The following DOCK9 variants were observed in gnomAD, a reference collection of about 807,000 sequenced individuals.
The protein encoded by DOCK9 is dedicator of cytokinesis protein 9.
Under a neutral mutation model 263.3 loss-of-function variants are expected in DOCK9, and 89 were observed. The observed-to-expected ratio is 0.34, with a 90% CI of 0.28 to 0.40. The LOEUF (loss-of-function observed/expected upper bound fraction) is 0.40. Among genes scored for constraint, DOCK9 ranks in the 10% least tolerant of loss-of-function variants. The probability of loss-of-function intolerance (pLI) is 1.00; values close to 1 mark genes in which losing one functional copy is unlikely to be tolerated. For synonymous variants in DOCK9, 976 were observed against 973.1 expected, an observed-to-expected ratio of 1.00 and a Z score of -0.06; for missense variants, 2,140 against 2,603.4, an observed-to-expected ratio of 0.82 and a Z score of 3.87.
intron 1 of DOCK9, among the ~76,000 whole-genome samples, chr13:99,039,537 T>C (rs948227679): frequency 3.9e-5 from 6 of 152,258 alleles, no homozygotes; most frequent in African/African-American, 1.4e-4. Context: ...ATGATAATAA[T>C]AAAACATCAT....
chr13:98,933,327 G>C (rs558393168), intron 2 of DOCK9, among the ~76,000 whole-genome samples: 1 of 151,628 alleles, frequency 6.6e-6, no homozygotes, highest in African/African-American at 2.4e-5. Flanking sequence ...AAAGGAAATA[G>C]ATCTTTTTTA....
chr13:98,993,270 C>T (rs146494684), intron 1 of DOCK9, among the ~76,000 whole-genome samples: 7 of 152,336 alleles, frequency 4.6e-5, no homozygotes, highest in East Asian at 1.9e-4. Context: ...TTGATCATTA[C>T]GGACCCCGTA....
intron 43 of DOCK9, 105 bp from the exon 44 acceptor site, chr13:98,826,992 C>T (rs2092569196): frequency 2.7e-6 from 2 of 739,872 alleles, no homozygotes; most frequent in Non-Finnish European, 4.3e-6. Context: ...TATATTAGAT[C>T]TCAATGCACC....
intron 2 of DOCK9, among the ~76,000 whole-genome samples, chr13:98,931,789 G>T (rs1170456893): frequency 2.0e-5 from 3 of 150,936 alleles, no homozygotes; most frequent in African/African-American, 7.3e-5. Context: ...GTACAGATGG[G>T]GTTTCACCAT....
At chr13:98,951,903 C>CTTTTTTTT (rs71114563) in intron 2 of DOCK9, among the ~76,000 whole-genome samples, 23,010 of 134,252 alleles carry the variant, frequency 0.17, 2,497 homozygotes, top group Middle Eastern at 0.28. Flanking sequence ...TTAATATTCC[C>CTTTTTTTT]TTTTTTTTTT....
intron 1 of DOCK9, among the ~76,000 whole-genome samples, chr13:99,037,528 T>G (rs1359756356): frequency 6.6e-6 from 1 of 152,176 alleles, no homozygotes; most frequent in East Asian, 1.9e-4. Context: ...TAAAACGATA[T>G]AACTACCTTG....
chr13:99,060,134 C>T (rs2041120226), intron 1 of DOCK9, among the ~76,000 whole-genome samples: 1 of 125,520 alleles, frequency 8.0e-6, no homozygotes. Flanking sequence ...ACTGCAGTGG[C>T]ATGATCTCGG....
chr13:98,866,770 T>C (rs1238791869), intron 30 of DOCK9, among the ~76,000 whole-genome samples: 1 of 152,194 alleles, frequency 6.6e-6, no homozygotes, highest in Non-Finnish European at 1.5e-5. Context: ...ATGAAAATAG[T>C]AGAATAATGA....
At chr13:98,976,393 TA>T (rs5806087) in intron 1 of DOCK9, among the ~76,000 whole-genome samples, 76,825 of 150,394 alleles carry the variant, frequency 0.51, 19,726 homozygotes, top group East Asian at 0.72. Context: ...CTTGTGTGCT[TA>T]AAAAAAAAAA....
rs769855666 is a variant in DOCK9, at chr13:98,825,844, C to T, written c.5023+986G>A. The T allele has an allele frequency of 1.2e-5, 17 of 1,454,502 alleles. No homozygotes were observed. In the South Asian group the frequency reaches 1.2e-4, roughly 10 times the overall value. The allele number at this position is 1,454,502 out of a possible 1,614,324, so 90.1% of individuals were successfully genotyped here. A position where few individuals can be genotyped will look rare whatever the true frequency, so the allele number is the denominator to read the frequency against. ...GCACGTGACCAGGGCAGGGGGTCCC[C>T]GGGGGCTGGGCTGATCCTCAGGCTC... is the stretch of plus-strand genomic sequence containing the variant. On this transcript the variant is annotated intron_variant, in intron 44 of 52. Transcript: ENST00000682017. The surrounding 1 kb of genome is among the most constrained non-coding windows in gnomAD (Gnocchi z 4.1).
Position 98,921,043 on chromosome 13 carries a change from A to T in DOCK9, c.628T>A (p.Ser210Thr). The change falls in exon 7 of 53, where the codon TCC becomes ACC. Residue 210 changes from serine to threonine, a missense_variant. Coordinates refer to ENST00000682017, the MANE Select transcript of DOCK9 (RefSeq NM_001366683.2). Reference protein sequence around the residue: ...FFHLIQLGDGSYNLNFYKDEK... With the variant: ...FFHLIQLGDGTYNLNFYKDEK... ...TCTTTATAAAAATTCAAATTATAGGATCCATCGCCAAGTTGAATCAGGTGG... is the reference window on the plus strand; with the variant it reads ...TCTTTATAAAAATTCAAATTATAGGTTCCATCGCCAAGTTGAATCAGGTGG... 1 of 1,602,080 alleles carries T rather than the reference A, an allele frequency of 6.2e-7. No individual in the cohort carries two copies.
intron 1 of DOCK9, among the ~76,000 whole-genome samples, chr13:99,077,271 C>A (rs541529348): frequency 6.6e-6 from 1 of 152,284 alleles, no homozygotes; most frequent in African/African-American, 2.4e-5. Context: ...ACCCAAATCC[C>A]CAGTGTTGGA....
At chr13:99,049,254 C>T (rs75541044) in intron 1 of DOCK9, among the ~76,000 whole-genome samples, 1 of 152,194 alleles carries the variant, frequency 6.6e-6, no homozygotes, top group East Asian at 1.9e-4. Flanking sequence ...TACCTTATCA[C>T]CCCTCACCTT....
chr13:99,047,008 T>A (rs568738569), intron 1 of DOCK9, among the ~76,000 whole-genome samples: 1 of 152,230 alleles, frequency 6.6e-6, no homozygotes, highest in Non-Finnish European at 1.5e-5. Context: ...CTATCTCTGA[T>A]GATTAAAAGA....
intron 1 of DOCK9, among the ~76,000 whole-genome samples, chr13:99,071,558 T>C (rs1410618548): frequency 6.6e-6 from 1 of 151,934 alleles, no homozygotes; most frequent in Admixed American, 6.6e-5. Flanking sequence ...ATCGTCTTCA[T>C]AGTGAGTAGG....
At chr13:98,995,991 C>T (rs969598215) in intron 1 of DOCK9, among the ~76,000 whole-genome samples, 30 of 152,066 alleles carry the variant, frequency 2.0e-4, no homozygotes, top group African/African-American at 5.8e-4. Flanking sequence ...AGGGTAAGCA[C>T]GGTGCAGATC....
At chr13:99,038,521 G>C (rs1416133907) in intron 1 of DOCK9, among the ~76,000 whole-genome samples, 1 of 151,782 alleles carries the variant, frequency 6.6e-6, no homozygotes, top group Non-Finnish European at 1.5e-5. Flanking sequence ...GGCCAGGCTG[G>C]TCTCTAACTC....
intron 45 of DOCK9, among the ~76,000 whole-genome samples, chr13:98,814,371 C>G (rs549914695): frequency 2.1e-4 from 31 of 150,704 alleles, no homozygotes; most frequent in African/African-American, 7.3e-4. Flanking sequence ...CACACCCACT[C>G]TTTTCCTTTG....
At chr13:98,902,264 G>T in intron 12 of DOCK9, 24 bp downstream of exon 12, 1 of 1,610,014 alleles carries the variant, frequency 6.2e-7, no homozygotes, top group South Asian at 1.1e-5. Context: ...TGAGTAGTGG[G>T]AATGCTGGGC....
Sources: gnomAD v4.1 joint callset for allele counts (sites outside exome capture counted in the v4.1 genomes callset) on GRCh38, gnomAD v4.1.1 for gene constraint, Gnocchi (gnomAD v3.1) non-coding constraint, MANE v1.5 for transcripts, NCBI Gene and HGNC (gene_info 2026-07-23, HGNC 2026-07-21) for gene names.